The following PTPRM variants were observed in gnomAD, a reference collection of about 807,000 sequenced individuals.
PTPRM encodes protein tyrosine phosphatase receptor type M.
PTPRM carries 47 observed loss-of-function variants against 186.7 expected under a neutral mutation model. That is an observed-to-expected ratio of 0.25 (90% CI 0.20 to 0.32). The LOEUF is 0.32. Among genes scored for constraint, PTPRM ranks in the 10% least tolerant of loss-of-function variants. The pLI is 1.00. For missense variants in PTPRM, 1,494 were observed against 1,865.0 expected (o/e 0.80, Z 3.66); for synonymous variants, 668 against 674.9 (o/e 0.99, Z 0.16).
chr18:8,194,705 C>CT (rs2093752926), intron 14 of PTPRM, among the ~76,000 whole-genome samples: 1 of 152,256 alleles, frequency 6.6e-6, no homozygotes, highest in Non-Finnish European at 1.5e-5. Context: ...CCAACATATC[C>CT]TGTCTGTTCA....
At chr18:7,772,547 G>C (rs915914206) in intron 1 of PTPRM, among the ~76,000 whole-genome samples, 1 of 143,716 alleles carries the variant, frequency 7.0e-6, no homozygotes, top group African/African-American at 2.7e-5. Context: ...AAGATAAATG[G>C]GTATACATTT....
intron 7 of PTPRM, among the ~76,000 whole-genome samples, chr18:8,036,320 G>C (rs967215959): frequency 6.6e-5 from 10 of 152,276 alleles, no homozygotes; most frequent in African/African-American, 2.2e-4. Flanking sequence ...TGCATGCTGA[G>C]ACAGAAGGCA....
intron 7 of PTPRM, among the ~76,000 whole-genome samples, chr18:7,988,334 A>G (rs1018920998): frequency 2.6e-5 from 4 of 152,184 alleles, no homozygotes; most frequent in Admixed American, 2.0e-4. Flanking sequence ...TATGGTTTTA[A>G]AATTAGGCCC....
At chr18:7,789,534 A>G (rs2043238956) in intron 2 of PTPRM, among the ~76,000 whole-genome samples, 1 of 152,128 alleles carries the variant, frequency 6.6e-6, no homozygotes, top group Non-Finnish European at 1.5e-5. Flanking sequence ...TCCTCTACTA[A>G]TTGGCTACCC....
rs368344339 is a variant in PTPRM, at chr18:8,252,510, C to T, written c.2566+11C>T. On this transcript the variant is annotated intron_variant, in intron 18 of 32. Coordinates refer to ENST00000580170, the MANE Select transcript of PTPRM (RefSeq NM_001105244.2). ...AAGTGCCAATAAATGGTAAGTTCCC[C>T]GATTCGCCCCATGGAAGAGTTGTGG... 8.4e-6 allele frequency: 13 copies of T among 1,545,946 alleles called. No homozygotes were observed. The highest frequency in any genetic ancestry group is 5.5e-5 in the African/African-American group (4 of 73,338).
intron 2 of PTPRM, among the ~76,000 whole-genome samples, chr18:7,852,436 A>G (rs2046907349): frequency 1.3e-5 from 2 of 152,108 alleles, no homozygotes; most frequent in African/African-American, 2.4e-5. Context: ...TTTAGAAAAG[A>G]AACAACTTTG....
At chr18:7,612,192 TGTGTG>T (rs997335242) in intron 1 of PTPRM, among the ~76,000 whole-genome samples, 2 of 152,138 alleles carry the variant, frequency 1.3e-5, no homozygotes, top group African/African-American at 4.8e-5. Flanking sequence ...TGTGTGTGTG[TGTGTG>T]GTGTGTGCAT....
At chr18:8,103,099 T>G (rs2091364226) in intron 11 of PTPRM, among the ~76,000 whole-genome samples, 1 of 152,200 alleles carries the variant, frequency 6.6e-6, no homozygotes, top group Non-Finnish European at 1.5e-5. Flanking sequence ...TAAATAGATG[T>G]GGTATCATCC....
intron 2 of PTPRM, among the ~76,000 whole-genome samples, chr18:7,798,076 T>G (rs769350908): frequency 6.6e-5 from 10 of 152,042 alleles, no homozygotes; most frequent in Non-Finnish European, 8.8e-5. Flanking sequence ...GGGTTAGAGG[T>G]CTCCCACTTG....
intron 2 of PTPRM, among the ~76,000 whole-genome samples, chr18:7,784,375 C>G (rs769408699): frequency 6.6e-6 from 1 of 152,046 alleles, no homozygotes; most frequent in Non-Finnish European, 1.5e-5. Flanking sequence ...GTATGTCGCT[C>G]TCTGCCAGCC....
At chr18:8,182,347 T>A (rs548002012) in intron 14 of PTPRM, among the ~76,000 whole-genome samples, 23 of 152,292 alleles carry the variant, frequency 1.5e-4, no homozygotes, top group African/African-American at 5.1e-4. Flanking sequence ...TAGGTAGTTT[T>A]CCAGCCCTTG....
chr18:8,077,502 A>G (rs2089890224), intron 9 of PTPRM, among the ~76,000 whole-genome samples: 1 of 152,132 alleles, frequency 6.6e-6, no homozygotes, highest in Non-Finnish European at 1.5e-5. Context: ...TAAAAGAAAA[A>G]AGTTGATTTT....
chr18:7,936,428 G>A (rs891450656), intron 5 of PTPRM, among the ~76,000 whole-genome samples: 2 of 152,234 alleles, frequency 1.3e-5, no homozygotes, highest in Non-Finnish European at 2.9e-5. Context: ...GCAAAGTTGA[G>A]GCTAAACCCA....
intron 1 of PTPRM, among the ~76,000 whole-genome samples, chr18:7,689,851 G>GT: frequency 6.6e-6 from 1 of 152,274 alleles, no homozygotes; most frequent in East Asian, 1.9e-4. Context: ...TACACTCAGT[G>GT]TTTTTACTGA....
intron 1 of PTPRM, among the ~76,000 whole-genome samples, chr18:7,716,164 T>C (rs663613): frequency 0.097 from 14,708 of 152,066 alleles, 988 homozygotes; most frequent in African/African-American, 0.18. Context: ...AAAACAGATA[T>C]ATAGACCAAT....
chr18:8,084,720 A>G (rs569466293), intron 9 of PTPRM, among the ~76,000 whole-genome samples: 43 of 152,288 alleles, frequency 2.8e-4, no homozygotes, highest in African/African-American at 8.7e-4. Context: ...AAACTTTCGA[A>G]TATGCCACAT....
At chr18:7,622,247 T>C (rs754085113) in intron 1 of PTPRM, among the ~76,000 whole-genome samples, 6 of 151,244 alleles carry the variant, frequency 4.0e-5, no homozygotes, top group Non-Finnish European at 8.9e-5. Context: ...GTATTTGTTC[T>C]TTTTTTTTGG....
chr18:7,911,846 A>ATTTTTTTTTTTTTTTTTTTTTT (rs57590269), intron 4 of PTPRM, among the ~76,000 whole-genome samples: 1 of 80,676 alleles, frequency 1.2e-5, no homozygotes, highest in East Asian at 5.0e-4. Flanking sequence ...TATGGTTTCA[A>ATTTTTTTTTTTTTTTTTTTTTT]TTTTTTTTTT....
chr18:8,202,613 A>G lies in PTPRM; in HGVS notation c.2301-41445A>G, dbSNP rs186900661. Among the ~76,000 whole-genome samples the G allele has an allele frequency of 3.0e-4, 46 of 151,868 alleles. 1 individual carries two copies. The Middle Eastern group carries it at 0.014, about 45-fold the overall frequency. ...GATTTTTTTTTTTTAATGGTAAGAA[A>G]TTGGCAGGTTTCTCACGGAACTGCC... is the stretch of plus-strand genomic sequence containing the variant. On this transcript the variant is annotated intron_variant, in intron 14 of 32. Transcript: ENST00000580170.
Sources: allele counts gnomAD v4.1 joint callset (sites outside exome capture counted in the v4.1 genomes callset), GRCh38; gene constraint gnomAD v4.1.1; transcripts MANE v1.5; gene names NCBI Gene and HGNC (gene_info 2026-07-23, HGNC 2026-07-21).